The following RHOU variants were observed in gnomAD, a reference collection of about 807,000 sequenced individuals.
RHOU encodes rho-related GTP-binding protein RhoU.
A neutral mutation model predicts 12.6 loss-of-function variants in RHOU; 8 were observed. The ratio of observed to expected loss-of-function variants is 0.64; its 90% CI spans 0.37 to 1.15. The LOEUF is 1.15. Ranked by LOEUF, RHOU falls within the 50% of genes most tolerant of loss-of-function variation. The pLI, the probability that RHOU is intolerant of heterozygous loss-of-function variation, is 0.01. For synonymous variants in RHOU, 161 were observed against 147.4 expected (o/e 1.09, Z -0.67); for missense variants, 258 against 347.0 (o/e 0.74, Z 2.04).
the RHOU span, among the ~76,000 whole-genome samples, chr1:228,665,494 C>A: frequency 2.0e-5 from 3 of 152,220 alleles, no homozygotes; most frequent in African/African-American, 7.2e-5. Flanking sequence ...CAATAAACCC[C>A]TACCTAGTCT....
At chr1:228,687,955 C>T in the RHOU span, 3 of 671,414 alleles carry the variant, frequency 4.5e-6, no homozygotes, top group African/African-American at 1.8e-5. Context: ...CCCTTCCTTC[C>T]TTCTGTCCTT....
At chr1:228,670,510 G>A in the RHOU span, among the ~76,000 whole-genome samples, 1 of 152,226 alleles carries the variant, frequency 6.6e-6, no homozygotes, top group Non-Finnish European at 1.5e-5. Context: ...CTCTCCTTTA[G>A]GATGGGTCAA....
the RHOU span, among the ~76,000 whole-genome samples, chr1:228,725,088 T>C: frequency 6.6e-6 from 1 of 152,186 alleles, no homozygotes; most frequent in Non-Finnish European, 1.5e-5. Flanking sequence ...GAAAAGAAAA[T>C]TGGTATTTTT....
At chr1:228,704,516 G>A in the RHOU span, among the ~76,000 whole-genome samples, 2 of 151,992 alleles carry the variant, frequency 1.3e-5, no homozygotes, top group East Asian at 3.9e-4. Context: ...GGAGTGCAAT[G>A]GTGTGATCTT....
the RHOU span, among the ~76,000 whole-genome samples, chr1:228,691,696 T>G: frequency 5.3e-5 from 8 of 152,356 alleles, no homozygotes; most frequent in African/African-American, 1.4e-4. Flanking sequence ...TGAATAAAGC[T>G]TCTATGAATA....
At chr1:228,674,240 T>C in the RHOU span, among the ~76,000 whole-genome samples, 71 of 152,346 alleles carry the variant, frequency 4.7e-4, no homozygotes, top group South Asian at 0.014. Context: ...GTCAAATATA[T>C]ACTGCAAACA....
chr1:228,716,620 A>G, the RHOU span, among the ~76,000 whole-genome samples: 1 of 152,180 alleles, frequency 6.6e-6, no homozygotes, highest in Non-Finnish European at 1.5e-5. Flanking sequence ...AAATCCCAGC[A>G]CTTATTACAG....
At chr1:228,692,934 G>A in the RHOU span, among the ~76,000 whole-genome samples, 2 of 152,144 alleles carry the variant, frequency 1.3e-5, no homozygotes, top group South Asian at 4.2e-4. Context: ...ATATAAAATT[G>A]CATTTATGAA....
chr1:228,674,357 T>C, the RHOU span, among the ~76,000 whole-genome samples: 2 of 151,474 alleles, frequency 1.3e-5, no homozygotes, highest in African/African-American at 4.9e-5. Context: ...TTTTTTTTTT[T>C]TTTTTTGAGA....
the RHOU span, among the ~76,000 whole-genome samples, chr1:228,685,794 A>T: frequency 6.6e-6 from 1 of 152,214 alleles, no homozygotes; most frequent in Non-Finnish European, 1.5e-5. Context: ...CCTTTAGTGA[A>T]ACCCTTAATC....
chr1:228,729,295 C>T, the RHOU span, among the ~76,000 whole-genome samples: 1 of 152,156 alleles, frequency 6.6e-6, no homozygotes, highest in Non-Finnish European at 1.5e-5. Context: ...GAGATTCATT[C>T]CTGTATGTTC....
At chr1:228,692,764 T>C in the RHOU span, among the ~76,000 whole-genome samples, 1 of 151,996 alleles carries the variant, frequency 6.6e-6, no homozygotes, top group African/African-American at 2.4e-5. Flanking sequence ...CGTTTATGGA[T>C]GTGCCCTATG....
chr1:228,672,583 TA>T, the RHOU span, among the ~76,000 whole-genome samples: 2 of 152,190 alleles, frequency 1.3e-5, no homozygotes, highest in African/African-American at 4.8e-5. Flanking sequence ...AAACTACTGA[TA>T]AAAATGTGAG....
At chr1:228,731,489 A>G (rs914573449), upstream of RHOU, among the ~76,000 whole-genome samples, 1 of 152,222 alleles carries the variant, frequency 6.6e-6, no homozygotes, top group Non-Finnish European at 1.5e-5. Flanking sequence ...AGGCTATGGA[A>G]CACAAAAACG....
At chr1:228,685,436 A>T in the RHOU span, among the ~76,000 whole-genome samples, 1 of 152,246 alleles carries the variant, frequency 6.6e-6, no homozygotes, top group Non-Finnish European at 1.5e-5. Flanking sequence ...AGAGTGAGAG[A>T]CTAGAAAGAG....
At chr1:228,674,283 T>C in the RHOU span, among the ~76,000 whole-genome samples, 1 of 152,122 alleles carries the variant, frequency 6.6e-6, no homozygotes, top group African/African-American at 2.4e-5. Context: ...CTTAATGCAA[T>C]CGTTTGAGGT....
chr1:228,713,947 T>A, the RHOU span, among the ~76,000 whole-genome samples: 1 of 151,822 alleles, frequency 6.6e-6, no homozygotes, highest in African/African-American at 2.4e-5. Flanking sequence ...CATTTGGTCA[T>A]GGAAGTCTTC....
the RHOU span, among the ~76,000 whole-genome samples, chr1:228,649,441 T>C: frequency 0.012 from 1,872 of 152,340 alleles, 43 homozygotes; most frequent in African/African-American, 0.042. Context: ...TAATTATCTG[T>C]GGTTCCTGTT....
the RHOU span, among the ~76,000 whole-genome samples, chr1:228,684,036 TTG>T: frequency 2.0e-5 from 3 of 152,158 alleles, no homozygotes; most frequent in African/African-American, 7.2e-5. Context: ...TGGTTTTTGT[TTG>T]TTTCTTTCTT....
Sources: allele counts gnomAD v4.1 joint callset (sites outside exome capture counted in the v4.1 genomes callset), GRCh38; gene constraint gnomAD v4.1.1; transcripts MANE v1.5; gene names NCBI Gene and HGNC (gene_info 2026-07-23, HGNC 2026-07-21).